OR3A2: variants seen among roughly 807,000 people sequenced by gnomAD.
OR3A2 encodes olfactory receptor 3A2.
For synonymous variants in OR3A2, 126 were observed against 159.3 expected (o/e 0.79, Z 1.57); for missense variants, 318 against 392.8 (o/e 0.81, Z 1.61).
intron 3 of OR3A2, among the ~76,000 whole-genome samples, chr17:3,326,593 T>C (rs373012144): frequency 3.2e-4 from 49 of 151,746 alleles, no homozygotes; most frequent in South Asian, 1.9e-3. Flanking sequence ...AGGGTACATA[T>C]GCACATTGTG....
intron 2 of OR3A2, among the ~76,000 whole-genome samples, chr17:3,346,124 G>C (rs1307471250): frequency 6.6e-6 from 1 of 152,076 alleles, no homozygotes; most frequent in South Asian, 2.1e-4. Flanking sequence ...AAAAAAAATT[G>C]CCAGGACAGG....
intron 3 of OR3A2, among the ~76,000 whole-genome samples, chr17:3,317,332 G>C (rs2049088205): frequency 6.6e-6 from 1 of 152,158 alleles, no homozygotes; most frequent in South Asian, 2.1e-4. Context: ...AATCTTGGAG[G>C]GTAAAGATAT....
At chr17:3,352,843 G>A (rs1169829452) in intron 2 of OR3A2, among the ~76,000 whole-genome samples, 2 of 151,834 alleles carry the variant, frequency 1.3e-5, no homozygotes, top group Non-Finnish European at 2.9e-5. Flanking sequence ...TGGGTAGTAT[G>A]GGCATTTTAC....
At chr17:3,280,768 G>A (rs963495237) in intron 1 of OR3A2, among the ~76,000 whole-genome samples, 20 of 152,342 alleles carry the variant, frequency 1.3e-4, no homozygotes, top group Admixed American at 1.0e-3. Context: ...GCAGAGGCAG[G>A]AATGATTAAG....
rs746631552 is a variant in OR3A2 at position 3,311,270 on chromosome 17, T to C, written c.-85+24763A>G. The C allele has an allele frequency of 1.9e-6, 1 of 535,070 alleles. No individual in the cohort carries two copies. Among genetic ancestry groups the C allele is most frequent in the South Asian group, 1.4e-5 (1 of 71,596 alleles). 33.1% of individuals were successfully genotyped at this position (535,070 alleles called of 1,614,324 possible). On this transcript the variant is annotated intron_variant, in intron 3 of 4. Transcript: ENST00000573491. The surrounding 1 kb of genome is among the most constrained non-coding windows in gnomAD (Gnocchi z 4.6). ...TGTCTCCAGGCCCACCAGTGCAGAGTTCCCTATGCTGCCTGCAGTTCACAG... is the reference window on the plus strand; with the variant it reads ...TGTCTCCAGGCCCACCAGTGCAGAGCTCCCTATGCTGCCTGCAGTTCACAG...
chr17:3,368,234 TTTAA>T (rs1332424566), intron 2 of OR3A2, among the ~76,000 whole-genome samples: 1 of 152,222 alleles, frequency 6.6e-6, no homozygotes. Flanking sequence ...AGCTTTTTAG[TTTAA>T]TTAAATACCA....
intron 3 of OR3A2, among the ~76,000 whole-genome samples, chr17:3,316,562 C>A (rs2049084052): frequency 6.6e-6 from 1 of 152,176 alleles, no homozygotes; most frequent in Non-Finnish European, 1.5e-5. Context: ...GCAATATTTA[C>A]AAAGCAATTT....
chr17:3,335,548 G>A (rs981732955), intron 3 of OR3A2, among the ~76,000 whole-genome samples: 2 of 151,920 alleles, frequency 1.3e-5, no homozygotes, highest in Admixed American at 6.6e-5. Flanking sequence ...ATGTGTTTCT[G>A]ATCTGCATCT....
chr17:3,310,562 G>T (rs2150630521), intron 3 of OR3A2: 1 of 536,580 alleles, frequency 1.9e-6, no homozygotes, highest in South Asian at 1.4e-5. Context: ...TCCCTGCCAT[G>T]CTGAGCCATT....
intron 2 of OR3A2, among the ~76,000 whole-genome samples, chr17:3,354,451 C>T (rs2049447010): frequency 6.6e-6 from 1 of 150,928 alleles, no homozygotes; most frequent in South Asian, 2.1e-4. Flanking sequence ...TTATGACTTT[C>T]ATCTCATTAT....
At chr17:3,347,426 G>C (rs905773197) in intron 2 of OR3A2, among the ~76,000 whole-genome samples, 10 of 152,008 alleles carry the variant, frequency 6.6e-5, no homozygotes, top group Non-Finnish European at 1.2e-4. Context: ...CCCAGAGTGT[G>C]ATGTTCCCCT....
chr17:3,319,872 A>G (rs1232373475), intron 3 of OR3A2, among the ~76,000 whole-genome samples: 4 of 152,200 alleles, frequency 2.6e-5, no homozygotes, highest in South Asian at 2.1e-4. Context: ...ATGATTTATA[A>G]TCCTTTGGGT....
chr17:3,380,345 A>G (rs1295724646), intron 2 of OR3A2, among the ~76,000 whole-genome samples: 2 of 152,168 alleles, frequency 1.3e-5, no homozygotes, highest in African/African-American at 4.8e-5. Context: ...GTGGGTTCGG[A>G]GCCCAGGATC....
chr17:3,369,213 T>G (rs2049589548), intron 2 of OR3A2, among the ~76,000 whole-genome samples: 2 of 152,216 alleles, frequency 1.3e-5, no homozygotes, highest in Non-Finnish European at 2.9e-5. Flanking sequence ...CTTTACCAAT[T>G]CAGATGCCCT....
intron 2 of OR3A2, among the ~76,000 whole-genome samples, chr17:3,361,494 G>A (rs1479244953): frequency 6.6e-6 from 1 of 151,654 alleles, no homozygotes; most frequent in Non-Finnish European, 1.5e-5. Flanking sequence ...TCTTGTGCCA[G>A]TTTTCAAAGA....
At chr17:3,351,445 GAA>G (rs1277773027) in intron 2 of OR3A2, among the ~76,000 whole-genome samples, 2 of 75,634 alleles carry the variant, frequency 2.6e-5, no homozygotes, top group Admixed American at 1.7e-4. Flanking sequence ...GCTTCAAAGA[GAA>G]TAAAATACCT....
chr17:3,331,722 G>C (rs1346300739), intron 3 of OR3A2, among the ~76,000 whole-genome samples: 1 of 151,972 alleles, frequency 6.6e-6, no homozygotes. Context: ...GCTCGTCAAA[G>C]TCATTCTCCA....
intron 2 of OR3A2, among the ~76,000 whole-genome samples, chr17:3,361,092 G>A (rs538269507): frequency 6.6e-6 from 1 of 151,282 alleles, no homozygotes; most frequent in Non-Finnish European, 1.5e-5. Context: ...CTTTTATTTC[G>A]TTAAGCAGTG....
chr17:3,288,411 T>G (rs9891460), upstream of OR3A2, among the ~76,000 whole-genome samples: 30,484 of 152,094 alleles, frequency 0.2, 3,768 homozygotes, highest in African/African-American at 0.33. Flanking sequence ...CTATTTCATA[T>G]AGCCTAGGTG....
Sources: allele counts gnomAD v4.1 joint callset (sites outside exome capture counted in the v4.1 genomes callset), GRCh38; gene constraint gnomAD v4.1.1; non-coding constraint Gnocchi (gnomAD v3.1); transcripts MANE v1.5; gene names NCBI Gene and HGNC (gene_info 2026-07-23, HGNC 2026-07-21).